Variants in RAB11FIP4 observed in about 807,000 individuals in gnomAD.
RAB11FIP4 encodes RAB11 family interacting protein 4.
In RAB11FIP4, 23 loss-of-function variants were observed where a neutral mutation model predicts 74.3. That is an observed-to-expected ratio of 0.31 (90% CI 0.22 to 0.44). RAB11FIP4 has a LOEUF of 0.44. Ranked by LOEUF, RAB11FIP4 falls within the 20% of genes least tolerant of loss-of-function variation. The probability of loss-of-function intolerance (pLI) is 1.00; values close to 1 mark genes in which losing one functional copy is unlikely to be tolerated. For missense variants in RAB11FIP4, 630 were observed against 863.9 expected, an observed-to-expected ratio of 0.73 and a Z score of 3.39; for synonymous variants, 360 against 359.9, an observed-to-expected ratio of 1.00 and a Z score of 0.00.
chr17:31,416,874 C>T (rs536388961), intron 1 of RAB11FIP4, among the ~76,000 whole-genome samples: 1 of 152,276 alleles, frequency 6.6e-6, no homozygotes, highest in East Asian at 1.9e-4. Flanking sequence ...CACCAGCCAG[C>T]TCTGCCGCTG....
chr17:31,408,164 G>A (rs1480559011), intron 1 of RAB11FIP4, among the ~76,000 whole-genome samples: 3 of 152,084 alleles, frequency 2.0e-5, no homozygotes, highest in Non-Finnish European at 4.4e-5. Context: ...AACATTTTGA[G>A]CATTATGACT....
chr17:31,441,176 C>G (rs995691571), intron 3 of RAB11FIP4, among the ~76,000 whole-genome samples: 2 of 151,962 alleles, frequency 1.3e-5, no homozygotes, highest in Non-Finnish European at 2.9e-5. Flanking sequence ...AGGTGCCCAC[C>G]ACCATGCCCG....
At chr17:31,492,340 T>C (rs2072025585) in intron 3 of RAB11FIP4, among the ~76,000 whole-genome samples, 1 of 152,196 alleles carries the variant, frequency 6.6e-6, no homozygotes, top group Non-Finnish European at 1.5e-5. Flanking sequence ...TATATGTGTG[T>C]ACACACACGT....
In RAB11FIP4 at chr17:31,521,650, T is replaced by C. The variant is rs550765318; in HGVS notation, c.759-265T>C. ...GAAGCATCCTTCCAAGTGACCCCTG[T>C]GATCCCTTCTCACCCACCTGAGTCA... On this transcript the variant is annotated intron_variant, in intron 5 of 14. Transcript: ENST00000621161. Among the ~76,000 whole-genome samples the C allele has an allele frequency of 3.9e-5, 6 of 152,270 alleles. No homozygotes were observed. In the East Asian group the frequency reaches 1.2e-3, roughly 29 times the overall value.
chr17:31,410,158 G>A (rs1033264953), intron 1 of RAB11FIP4, among the ~76,000 whole-genome samples: 21 of 152,150 alleles, frequency 1.4e-4, no homozygotes, highest in African/African-American at 3.9e-4. Flanking sequence ...GCCCTTTACC[G>A]AGAGGAGTTA....
intron 3 of RAB11FIP4, among the ~76,000 whole-genome samples, chr17:31,437,904 C>T (rs1466397093): frequency 6.6e-6 from 1 of 152,176 alleles, no homozygotes; most frequent in African/African-American, 2.4e-5. Context: ...CTGGATGCAC[C>T]AGTTCCTGAC....
intron 3 of RAB11FIP4, among the ~76,000 whole-genome samples, chr17:31,435,511 C>T (rs956549464): frequency 6.6e-6 from 1 of 152,210 alleles, no homozygotes; most frequent in African/African-American, 2.4e-5. Flanking sequence ...TGGCAACACC[C>T]AGAACTAGAA....
intron 3 of RAB11FIP4, among the ~76,000 whole-genome samples, chr17:31,503,659 T>A (rs913020698): frequency 3.3e-5 from 5 of 149,800 alleles, no homozygotes; most frequent in Non-Finnish European, 7.3e-5. Context: ...GGATCATTCT[T>A]ATGACCTCAG....
At chr17:31,439,532 A>G (rs1235780383) in intron 3 of RAB11FIP4, among the ~76,000 whole-genome samples, 4 of 152,148 alleles carry the variant, frequency 2.6e-5, no homozygotes, top group African/African-American at 7.2e-5. Flanking sequence ...CGAATTAGCT[A>G]TTCATATTCT....
intron 3 of RAB11FIP4, among the ~76,000 whole-genome samples, chr17:31,517,206 T>TGGGGGGTGCGGGGGGGGGGGCGGG (rs2072572795): frequency 4.9e-5 from 1 of 20,288 alleles, no homozygotes; most frequent in East Asian, 2.3e-3. Context: ...GGGGGGGCGG[T>TGGGGGGTGCGGGGGGGGGGGCGGG]GGGGGGGGCG....
intron 1 of RAB11FIP4, among the ~76,000 whole-genome samples, chr17:31,410,423 T>TGCAAGAAAATCCA (rs1175649726): frequency 6.6e-6 from 1 of 152,142 alleles, no homozygotes; most frequent in Non-Finnish European, 1.5e-5. Flanking sequence ...TAGAAAATAG[T>TGCAAGAAAATCCA]GCAAGTTGGG....
intron 7 of RAB11FIP4, 158 bp downstream of exon 7, chr17:31,522,553 G>A (rs983993444): frequency 1.6e-5 from 11 of 667,328 alleles, no homozygotes; most frequent in East Asian, 8.1e-5. Context: ...CCAGGGCAGC[G>A]TCACTTCTGA....
intron 1 of RAB11FIP4, among the ~76,000 whole-genome samples, chr17:31,394,624 G>A (rs969556694): frequency 1.6e-4 from 25 of 151,820 alleles, no homozygotes; most frequent in African/African-American, 5.6e-4. Flanking sequence ...ATTTAATTTC[G>A]TCTTGTTCAT....
intron 3 of RAB11FIP4, among the ~76,000 whole-genome samples, chr17:31,511,074 G>A (rs542142399): frequency 1.3e-5 from 2 of 152,230 alleles, no homozygotes; most frequent in Admixed American, 6.5e-5. Flanking sequence ...TGTGTGCTAA[G>A]ACCATAAAGT....
Position 31,512,845 on chromosome 17 carries a change from T to TCA in RAB11FIP4, c.337-4806_337-4805insCA, listed in dbSNP as rs2072477439. On this transcript the variant is annotated intron_variant, in intron 3 of 14. Coordinates refer to ENST00000621161, the MANE Select transcript of RAB11FIP4 (RefSeq NM_032932.6). This position sits in a 1 kb window ranked among gnomAD's most constrained non-coding sequence, Gnocchi z 4.1. ...GACTGGACGGCCGTGTGTGGACTCC[T>TCA]TTTTCACACAGCAGGCGGGAATGGG... 6.6e-6 allele frequency among the ~76,000 whole-genome samples: 1 copy of TCA among 152,112 alleles called. No individual in the cohort carries two copies. Among genetic ancestry groups the TCA allele is most frequent in the Non-Finnish European group, 1.5e-5 (1 of 68,014 alleles).
At chr17:31,483,192 C>CAAAAAAAA (rs56720417) in intron 3 of RAB11FIP4, among the ~76,000 whole-genome samples, 1 of 58,556 alleles carries the variant, frequency 1.7e-5, no homozygotes, top group Non-Finnish European at 3.0e-5. Flanking sequence ...GACTGCATCT[C>CAAAAAAAA]AAAAAAAAAA....
intron 3 of RAB11FIP4, among the ~76,000 whole-genome samples, chr17:31,450,308 C>T (rs2142702065): frequency 6.7e-6 from 1 of 148,234 alleles, no homozygotes; most frequent in South Asian, 2.2e-4. Context: ...CACACCACCC[C>T]CCCGCCACCG....
Position 31,537,606 on chromosome 17 carries a change from G to T in RAB11FIP4, c.*5874G>T, listed in dbSNP as rs2072988135. 1 of 162,600 alleles carries T rather than the reference G, an allele frequency of 6.2e-6. No individual in the cohort carries two copies. Among genetic ancestry groups the T allele is most frequent in the Non-Finnish European group, 1.3e-5 (1 of 74,812 alleles). 10.1% of individuals were successfully genotyped at this position (162,600 alleles called of 1,614,324 possible). ...CCGTGCACTGTCTCTGCCCCCAGAG[G>T]AAGCCCTGTCCATGGTTCCTGGTGC... On this transcript the variant is annotated 3_prime_UTR_variant, in exon 15 of 15. Transcript: ENST00000621161.
intron 3 of RAB11FIP4, among the ~76,000 whole-genome samples, chr17:31,473,145 G>C (rs180796573): frequency 7.9e-5 from 12 of 152,200 alleles, no homozygotes; most frequent in Non-Finnish European, 1.8e-4. Context: ...GGAATGGAAG[G>C]AGGACCCGGG....
Sources: allele counts gnomAD v4.1 joint callset (sites outside exome capture counted in the v4.1 genomes callset), GRCh38; gene constraint gnomAD v4.1.1; non-coding constraint Gnocchi (gnomAD v3.1); transcripts MANE v1.5; gene names NCBI Gene and HGNC (gene_info 2026-07-23, HGNC 2026-07-21).